Variants in KLHL30 observed in about 807,000 individuals in gnomAD.
KLHL30 encodes kelch-like protein 30.
KLHL30 carries 55 observed loss-of-function variants against 55.0 expected under a neutral mutation model. The ratio of observed to expected loss-of-function variants is 1.00; its 90% CI spans 0.80 to 1.25. KLHL30 has a LOEUF of 1.25. KLHL30 is among the 50% of genes most tolerant of loss of function. KLHL30 has a pLI of 0.00. For missense variants in KLHL30, 786 were observed against 811.6 expected, an observed-to-expected ratio of 0.97 and a Z score of 0.38; for synonymous variants, 356 against 372.6, an observed-to-expected ratio of 0.96 and a Z score of 0.51.
intron 3 of KLHL30, among the ~76,000 whole-genome samples, chr2:238,144,424 AAGGAAGGAAGGCAGGCAGGC>A (rs1357842258): frequency 0.011 from 881 of 82,402 alleles, 11 homozygotes; most frequent in African/African-American, 0.033. Flanking sequence ...GGAAGGAAGG[AAGGAAGGAAGGCAGGCAGGC>A]AGGCAGGCAG....
chr2:238,150,691 G>A, intron 7 of KLHL30, 123 bp from the exon 8 acceptor site: 7 of 1,146,462 alleles, frequency 6.1e-6, no homozygotes, highest in South Asian at 3.0e-5. Flanking sequence ...CTCATGCCCT[G>A]GAGGGGATCT....
At chr2:238,148,251 C>A (rs957007977) in intron 6 of KLHL30, among the ~76,000 whole-genome samples, 2 of 149,976 alleles carry the variant, frequency 1.3e-5, no homozygotes, top group Non-Finnish European at 1.5e-5. Flanking sequence ...AGCACAGAGG[C>A]GAGCTGCACG....
intron 5 of KLHL30, among the ~76,000 whole-genome samples, chr2:238,146,152 C>A (rs1391412678): frequency 6.6e-6 from 1 of 152,060 alleles, no homozygotes; most frequent in Non-Finnish European, 1.5e-5. Flanking sequence ...ACGGCCACAC[C>A]CACCCACCAG....
intron 5 of KLHL30, 95 bp downstream of exon 5, chr2:238,145,927 C>A: frequency 7.4e-7 from 1 of 1,347,536 alleles, no homozygotes; most frequent in Non-Finnish European, 1.0e-6. Context: ...GCCTCGGAGA[C>A]CACGGAGATG....
chr2:238,149,061 G>A lies in KLHL30; in HGVS notation c.1394G>A (p.Arg465His), dbSNP rs767538722. 3.7e-6 allele frequency: 6 copies of A among 1,613,108 alleles called. No homozygotes were observed. The African/African-American group carries it at 8.0e-5, about 22-fold the overall frequency. The change falls in exon 7 of 8, where the codon CGC becomes CAC. Residue 465 changes from arginine (R) to histidine (H), a missense_variant. Transcript: ENST00000409223. ...PFLPKYLSSP[R>H]CAALHGELYL... ...CTGCCCAAGTACCTGTCCTCGCCTC[G>A]CTGTGCTGCACTGCACGGGGAGCTC... is the stretch of plus-strand genomic sequence containing the variant.
Position 238,149,011 on chromosome 2 carries a change from G to C in KLHL30, c.1344G>C (p.Ala448=), listed in dbSNP as rs370596499. 6.3e-7 allele frequency: 1 copy of C among 1,597,382 alleles called. No homozygotes were observed. The highest frequency in any genetic ancestry group is 1.1e-5 in the South Asian group (1 of 89,030). Residue 448 remains alanine (A), a synonymous_variant, in exon 7 of 8, where the codon GCG becomes GCC. Transcript: ENST00000409223. ...ALQCYNPVTD[A]WSVIASPFLP... Reference sequence around the variant, plus strand: ...CAGTGCCCGTGCCCCCCACAGATGCGTGGAGTGTGATCGCCTCGCCCTTCC... The same window carrying C: ...CAGTGCCCGTGCCCCCCACAGATGCCTGGAGTGTGATCGCCTCGCCCTTCC...
chr2:238,139,604 C>T (rs1047117646), intron 1 of KLHL30, among the ~76,000 whole-genome samples: 2 of 152,338 alleles, frequency 1.3e-5, no homozygotes, highest in Middle Eastern at 3.4e-3. Flanking sequence ...TCGCCTGCAC[C>T]TGTACCTGCA....
In KLHL30 at chr2:238,141,324, A is replaced by G. The variant is rs377763485; in HGVS notation, c.570A>G (p.Val190=). ...GTCTGGCCGGCGACCTGCTGCAGGT[A>G]CAGCCGGAGCAAAGCCGACTCGAGG... ...VTCLAGDLLQ[V]QPEQSRLEAL... The change falls in exon 2 of 8, where the codon GTA becomes GTG. Residue 190 remains valine, a synonymous_variant. Coordinates refer to ENST00000409223, the MANE Select transcript of KLHL30 (RefSeq NM_198582.4). 34 of 1,597,850 alleles carry G rather than the reference A, an allele frequency of 2.1e-5. No individual in the cohort carries two copies. The highest frequency in any genetic ancestry group is 2.7e-5 in the Non-Finnish European group (32 of 1,175,490).
chr2:238,150,305 C>T (rs879572131), intron 7 of KLHL30, among the ~76,000 whole-genome samples: 1 of 152,314 alleles, frequency 6.6e-6, no homozygotes, highest in Non-Finnish European at 1.5e-5. Flanking sequence ...CGGGCTCTTC[C>T]TGAAGCCGCA....
chr2:238,139,466 G>C (rs7355613), intron 1 of KLHL30, among the ~76,000 whole-genome samples: 1 of 152,072 alleles, frequency 6.6e-6, no homozygotes, highest in Non-Finnish European at 1.5e-5. Flanking sequence ...GTGGGGCCCC[G>C]GCCACGTGAG....
chr2:238,143,054 T>C (rs1222631017), intron 3 of KLHL30, 123 bp downstream of exon 3: 2 of 1,223,330 alleles, frequency 1.6e-6, no homozygotes, highest in Non-Finnish European at 2.1e-6. Context: ...GTGAGGCCCC[T>C]GTGAGGGGCG....
rs963348950 is a variant in KLHL30 at position 238,140,685 on chromosome 2, G to C, written c.-70G>C. The C allele has an allele frequency of 1.7e-5, 24 of 1,437,722 alleles. No individual in the cohort carries two copies. The highest frequency in any genetic ancestry group is 2.1e-5 in the Non-Finnish European group (23 of 1,084,734). The allele number at this position is 1,437,722 out of a possible 1,614,324, so 89.1% of individuals were successfully genotyped here. Reference sequence around the variant, plus strand: ...CTGACCCTGCTCTCTTCTCTCCTAGGAGCTCGGGCGGCTCCAGGCACTTCT... The same window carrying C: ...CTGACCCTGCTCTCTTCTCTCCTAGCAGCTCGGGCGGCTCCAGGCACTTCT... On this transcript the variant is annotated splice_region_variant and 5_prime_UTR_variant, in exon 2 of 8. Transcript: ENST00000409223.
At chr2:238,145,555 G>A (rs1692631752) in intron 4 of KLHL30, 122 bp from the exon 5 acceptor site, 2 of 1,163,032 alleles carry the variant, frequency 1.7e-6, no homozygotes, top group East Asian at 5.1e-5. Flanking sequence ...TCCCACCTCT[G>A]GCTCACCACG....
Position 238,145,090 on chromosome 2 carries a change from C to A in KLHL30, c.994+102C>A, listed in dbSNP as rs1692623763. On this transcript the variant is annotated intron_variant, in intron 4 of 7. Transcript: ENST00000409223. ...TGGGGTCCCTGAGGGTTAGTCAAGG[C>A]TTGCCGAGGCCTTTCCATGCATGTG... 4.3e-6 allele frequency: 4 copies of A among 929,176 alleles called. No individual in the cohort carries two copies. In the African/African-American group the frequency reaches 4.9e-5, roughly 11 times the overall value. The allele number at this position is 929,176 out of a possible 1,614,324, so 57.6% of individuals were successfully genotyped here.
intron 6 of KLHL30, among the ~76,000 whole-genome samples, chr2:238,148,665 C>A (rs2106314192): frequency 6.6e-6 from 1 of 151,130 alleles, no homozygotes; most frequent in Non-Finnish European, 1.5e-5. Context: ...AGGGAGGGGC[C>A]CCCAGCAGTC....
At chr2:238,145,091 T>A (rs1692623796) in intron 4 of KLHL30, 103 bp downstream of exon 4, 1 of 931,800 alleles carries the variant, frequency 1.1e-6, no homozygotes, top group African/African-American at 1.6e-5. Flanking sequence ...TAGTCAAGGC[T>A]TGCCGAGGCC....
Position 238,152,705 on chromosome 2 carries a change from A to T in KLHL30, c.*1640A>T, listed in dbSNP as rs7589925. On this transcript the variant is annotated 3_prime_UTR_variant, in exon 8 of 8. Coordinates refer to ENST00000409223, the MANE Select transcript of KLHL30 (RefSeq NM_198582.4). ...AGACAGAGTGGGGCCTCTGGGTGCT[A>T]CCAAAGGAACAAGAGCCCAGAGCTG... 0.42 allele frequency: 63,543 copies of T among 151,796 alleles called. 15,990 individuals are homozygous for T. The highest frequency in any genetic ancestry group is 0.69 in the African/African-American group (28,529 of 41,370). The allele number at this position is 151,796 out of a possible 1,614,324, so 9.4% of individuals were successfully genotyped here.
chr2:238,139,680 G>A (rs1332445405), intron 1 of KLHL30, among the ~76,000 whole-genome samples: 1 of 152,176 alleles, frequency 6.6e-6, no homozygotes, highest in Admixed American at 6.5e-5. Context: ...ATTTCCATGC[G>A]TGGCGTTCCC....
chr2:238,150,255 A>G (rs1212896810), intron 7 of KLHL30, among the ~76,000 whole-genome samples: 2 of 152,052 alleles, frequency 1.3e-5, no homozygotes, highest in African/African-American at 4.8e-5. Context: ...CCCTGTCTTC[A>G]TCTGGAGGCC....
Sources: gnomAD v4.1 joint callset for allele counts (sites outside exome capture counted in the v4.1 genomes callset) on GRCh38, gnomAD v4.1.1 for gene constraint, MANE v1.5 for transcripts, NCBI Gene and HGNC (gene_info 2026-07-23, HGNC 2026-07-21) for gene names.